Variants in GARNL3 observed in about 807,000 individuals in gnomAD.
GARNL3 encodes the protein GTPase-activating Rap/Ran-GAP domain-like protein 3.
Under a neutral mutation model 125.0 loss-of-function variants are expected in GARNL3, and 63 were observed. That is an observed-to-expected ratio of 0.50 (90% CI 0.41 to 0.62). The LOEUF is 0.62. Among genes scored for constraint, GARNL3 ranks in the 20% least tolerant of loss-of-function variants. The pLI is 0.00. For synonymous variants in GARNL3, 439 were observed against 457.5 expected, an observed-to-expected ratio of 0.96 and a Z score of 0.52; for missense variants, 994 against 1,244.0, an observed-to-expected ratio of 0.80 and a Z score of 3.02.
chr9:127,299,683 G>A (rs1239686063), intron 2 of GARNL3, among the ~76,000 whole-genome samples: 1 of 152,072 alleles, frequency 6.6e-6, no homozygotes, highest in East Asian at 1.9e-4. Context: ...CCATTCTCCT[G>A]CCTCAGCCTC....
At chr9:127,343,274 A>G (rs924345534) in intron 14 of GARNL3, among the ~76,000 whole-genome samples, 1 of 152,128 alleles carries the variant, frequency 6.6e-6, no homozygotes. Context: ...GGATTGGGCC[A>G]GGCTAACCCC....
At chr9:127,268,647 A>G (rs1016511108) in intron 1 of GARNL3, among the ~76,000 whole-genome samples, 2 of 152,212 alleles carry the variant, frequency 1.3e-5, no homozygotes, top group African/African-American at 2.4e-5. Flanking sequence ...TTGGTGTACA[A>G]CCATCACTGC....
At chr9:127,230,612 C>T (rs1489877580) in intron 1 of GARNL3, among the ~76,000 whole-genome samples, 3 of 150,520 alleles carry the variant, frequency 2.0e-5, no homozygotes, top group Non-Finnish European at 3.0e-5. Flanking sequence ...AAGATCGCAC[C>T]ATTGCACTCC....
At chr9:127,274,289 C>T (rs1441194009) in intron 1 of GARNL3, among the ~76,000 whole-genome samples, 3 of 152,076 alleles carry the variant, frequency 2.0e-5, no homozygotes, top group Non-Finnish European at 4.4e-5. Context: ...TCTTGAGCTC[C>T]GAGTGCTGTG....
intron 1 of GARNL3, among the ~76,000 whole-genome samples, chr9:127,229,016 G>C (rs992512423): frequency 1.3e-5 from 2 of 152,100 alleles, no homozygotes; most frequent in Non-Finnish European, 2.9e-5. Context: ...AGAGACCGGG[G>C]TTTCACCATG....
intron 2 of GARNL3, among the ~76,000 whole-genome samples, chr9:127,250,175 C>T (rs1482248834): frequency 6.6e-6 from 1 of 151,866 alleles, no homozygotes; most frequent in African/African-American, 2.4e-5. Flanking sequence ...CATACAATAC[C>T]TCTGGGAGTT....
intron 18 of GARNL3, 96 bp from the exon 19 acceptor site, chr9:127,354,198 C>A: frequency 1.1e-6 from 1 of 889,674 alleles, no homozygotes; most frequent in Admixed American, 2.1e-5. Flanking sequence ...AGAACACCTC[C>A]AATCCTAGTT....
chr9:127,378,113 T>C (rs4128780), intron 22 of GARNL3, among the ~76,000 whole-genome samples: 78,207 of 151,576 alleles, frequency 0.52, 20,812 homozygotes, highest in East Asian at 0.75. Context: ...TGGTGGCACA[T>C]GCTTGTAATC....
intron 2 of GARNL3, among the ~76,000 whole-genome samples, chr9:127,256,793 T>G (rs2063502857): frequency 6.6e-6 from 1 of 152,226 alleles, no homozygotes; most frequent in African/African-American, 2.4e-5. Flanking sequence ...ATAGTAACTA[T>G]AGTACTGTAT....
At chr9:127,382,819 G>C (rs1007298116) in intron 22 of GARNL3, among the ~76,000 whole-genome samples, 3 of 152,162 alleles carry the variant, frequency 2.0e-5, no homozygotes, top group Non-Finnish European at 4.4e-5. Flanking sequence ...GAGGATACAA[G>C]CGTATGGCTT....
In GARNL3 at chr9:127,280,590, G is replaced by A. The variant is rs1354398619; in HGVS notation, c.145-10578G>A. Among the ~76,000 whole-genome samples the A allele has an allele frequency of 6.6e-6, 1 of 152,134 alleles. No homozygotes were observed. Among genetic ancestry groups the A allele is most frequent in the Non-Finnish European group, 1.5e-5 (1 of 68,032 alleles). The stretch of plus-strand genomic sequence containing the variant: ...TACGTTTCTCGATTCTTCTCCATTG[G>A]CCGTATAGTAAGTAGAAAATGTCTT... On this transcript the variant is annotated intron_variant, in intron 1 of 27. Coordinates refer to ENST00000373387, the MANE Select transcript of GARNL3 (RefSeq NM_032293.5). The surrounding 1 kb of genome is among the most constrained non-coding windows in gnomAD (Gnocchi z 4.5).
intron 2 of GARNL3, chr9:127,300,985 C>T (rs1032119562): frequency 2.1e-4 from 38 of 183,588 alleles, no homozygotes; most frequent in African/African-American, 8.8e-4. Context: ...GCAGCCATTT[C>T]ACAAACCCAG....
In GARNL3 at chr9:127,385,030, G is replaced by T; in HGVS notation, c.2273G>T (p.Cys758Phe). ...CWNQAPYAIV[C>F]AFPYLLAFTT... ...TGACACTCCCGTTCCCTTGCAGTCT[G>T]TGCTTTCCCGTATCTCCTGGCCTTC... Residue 758 changes from cysteine (C) to phenylalanine (F), a missense_variant, in exon 24 of 28, where the codon TGT becomes TTT. Coordinates refer to ENST00000373387, the MANE Select transcript of GARNL3 (RefSeq NM_032293.5). This position sits in a 1 kb window ranked among gnomAD's most constrained non-coding sequence, Gnocchi z 4.1. 1 of 1,605,624 alleles carries T rather than the reference G, an allele frequency of 6.2e-7. No homozygotes were observed. Among genetic ancestry groups the T allele is most frequent in the Non-Finnish European group, 8.5e-7 (1 of 1,174,514 alleles).
Position 127,348,802 on chromosome 9 carries a change from C to T in GARNL3, c.1432-122C>T, listed in dbSNP as rs7030441. ...GTCCAGACCCCAGGGTTTGGAGTGA[C>T]TCCGCTCCCACGGGGGTATCTGTGT... On this transcript the variant is annotated intron_variant, in intron 16 of 27. Coordinates refer to ENST00000373387, the MANE Select transcript of GARNL3 (RefSeq NM_032293.5). 624 of 626,418 alleles carry T rather than the reference C, an allele frequency of 1.0e-3. 6 individuals are homozygous for T. The African/African-American group carries it at 0.011, about 11-fold the overall frequency. The allele number at this position is 626,418 out of a possible 1,614,324, so 38.8% of individuals were successfully genotyped here.
intron 1 of GARNL3, among the ~76,000 whole-genome samples, chr9:127,283,255 A>G (rs1040019477): frequency 1.3e-5 from 2 of 152,198 alleles, no homozygotes; most frequent in African/African-American, 4.8e-5. Flanking sequence ...TGTCCAATAG[A>G]ACTTTCTACA....
intron 14 of GARNL3, among the ~76,000 whole-genome samples, chr9:127,343,439 C>G (rs1316345945): frequency 6.6e-6 from 1 of 152,180 alleles, no homozygotes; most frequent in Non-Finnish European, 1.5e-5. Context: ...TTCCCTAGCC[C>G]CCCAGTTGAA....
intron 1 of GARNL3, among the ~76,000 whole-genome samples, chr9:127,239,499 C>G (rs2063167721): frequency 6.6e-6 from 1 of 152,164 alleles, no homozygotes; most frequent in Non-Finnish European, 1.5e-5. Flanking sequence ...TGTAGCAGAT[C>G]TCAGAGTTCT....
chr9:127,277,263 AGAACAG>A (rs2063980531), intron 1 of GARNL3, among the ~76,000 whole-genome samples: 1 of 152,106 alleles, frequency 6.6e-6, no homozygotes. Context: ...AAGTAAGAAA[AGAACAG>A]GATGTTTGCT....
At chr9:127,277,445 G>A (rs997490980) in intron 1 of GARNL3, among the ~76,000 whole-genome samples, 1 of 149,710 alleles carries the variant, frequency 6.7e-6, no homozygotes, top group African/African-American at 2.5e-5. Context: ...ACCTAATCCT[G>A]GGAGCTTTGA....
Sources: allele counts gnomAD v4.1 joint callset (sites outside exome capture counted in the v4.1 genomes callset), GRCh38; gene constraint gnomAD v4.1.1; non-coding constraint Gnocchi (gnomAD v3.1); transcripts MANE v1.5; gene names NCBI Gene and HGNC (gene_info 2026-07-23, HGNC 2026-07-21).